Variants in RABGAP1L observed in about 807,000 individuals in gnomAD.
The protein encoded by RABGAP1L is rab GTPase-activating protein 1-like.
Under a neutral mutation model 137.7 loss-of-function variants are expected in RABGAP1L, and 63 were observed. That is an observed-to-expected ratio of 0.46 (90% CI 0.37 to 0.56). The LOEUF is 0.56. Among genes scored for constraint, RABGAP1L ranks in the 20% least tolerant of loss-of-function variants. RABGAP1L has a pLI of 0.00. For synonymous variants in RABGAP1L, 431 were observed against 433.7 expected, an observed-to-expected ratio of 0.99 and a Z score of 0.08; for missense variants, 1,095 against 1,244.0, an observed-to-expected ratio of 0.88 and a Z score of 1.80.
At chr1:174,873,919 T>A (rs6700953) in intron 19 of RABGAP1L, among the ~76,000 whole-genome samples, 56,671 of 152,072 alleles carry the variant, frequency 0.37, 12,794 homozygotes, top group African/African-American at 0.64. Context: ...AAATAGCCAC[T>A]TCTTATTCAA....
intron 13 of RABGAP1L, among the ~76,000 whole-genome samples, chr1:174,483,363 C>G (rs1659312075): frequency 6.6e-6 from 1 of 152,082 alleles, no homozygotes; most frequent in Non-Finnish European, 1.5e-5. Flanking sequence ...TTTTTAGCTC[C>G]CACAGTTAAG....
At chr1:174,366,962 T>C (rs909705804) in intron 11 of RABGAP1L, 2 of 152,164 alleles carry the variant, frequency 1.3e-5, no homozygotes, top group African/African-American at 4.8e-5. Flanking sequence ...TTTATCCTTT[T>C]TTTTAAACCT....
intron 19 of RABGAP1L, among the ~76,000 whole-genome samples, chr1:174,898,410 C>A (rs1342523820): frequency 1.3e-5 from 2 of 152,156 alleles, no homozygotes; most frequent in Non-Finnish European, 2.9e-5. Context: ...TTAGATGTTA[C>A]ATACAATATT....
intron 19 of RABGAP1L, among the ~76,000 whole-genome samples, chr1:174,950,520 G>C (rs751034578): frequency 2.0e-5 from 3 of 152,006 alleles, no homozygotes; most frequent in African/African-American, 7.3e-5. Flanking sequence ...GTTTCTTCTC[G>C]AGTGCATTAT....
chr1:174,384,456 G>T (rs947470704), intron 12 of RABGAP1L, among the ~76,000 whole-genome samples: 22 of 151,626 alleles, frequency 1.5e-4, no homozygotes, highest in African/African-American at 5.3e-4. Flanking sequence ...AGAAAAAAAA[G>T]CCCTGAGTTT....
chr1:174,821,737 T>A (rs1691046199), intron 19 of RABGAP1L, among the ~76,000 whole-genome samples: 1 of 152,230 alleles, frequency 6.6e-6, no homozygotes, highest in Admixed American at 6.5e-5. Context: ...GAGGCTTTCT[T>A]TGAATTAGCA....
intron 13 of RABGAP1L, among the ~76,000 whole-genome samples, chr1:174,500,758 A>G (rs544912780): frequency 1.5e-4 from 23 of 152,128 alleles, no homozygotes; most frequent in Non-Finnish European, 2.5e-4. Context: ...TTTCATAGCA[A>G]AGCTCAGCTC....
intron 10 of RABGAP1L, among the ~76,000 whole-genome samples, chr1:174,288,866 G>T (rs776812302): frequency 1.9e-4 from 29 of 152,026 alleles, no homozygotes; most frequent in Non-Finnish European, 3.2e-4. Flanking sequence ...GGTGTTCCAG[G>T]TATCCTGTAG....
At position 174,250,475 on chromosome 1, in the gene RABGAP1L, G is replaced by A. The variant is rs1411186981; in HGVS notation, c.718G>A (p.Val240Ile). ...HVFSCEIKEA[V>I]SRILYSFCTA... ...GGTATTTCCTTTTTTATTCTTTTAG[G>A]TAAGCAGAATTTTGTACAGTTTCTG... The change falls in exon 6 of 26, where the codon GTA becomes ATA. Residue 240 changes from valine (V) to isoleucine (I), a missense_variant and splice_region_variant. Coordinates refer to ENST00000681986, the MANE Select transcript of RABGAP1L (RefSeq NM_001366446.1). 6.3e-7 allele frequency: 1 copy of A among 1,598,332 alleles called. No homozygotes were observed. The highest frequency in any genetic ancestry group is 1.7e-4 in the Middle Eastern group (1 of 5,988).
chr1:174,412,659 G>C (rs750433302), intron 13 of RABGAP1L, among the ~76,000 whole-genome samples: 1 of 152,046 alleles, frequency 6.6e-6, no homozygotes, highest in African/African-American at 2.4e-5. Flanking sequence ...TGGTTTAGTG[G>C]TAATGAATTC....
intron 11 of RABGAP1L, among the ~76,000 whole-genome samples, chr1:174,344,164 G>GA (rs1419406111): frequency 6.6e-6 from 1 of 152,164 alleles, no homozygotes; most frequent in Non-Finnish European, 1.5e-5. Flanking sequence ...AGTTTGTCAG[G>GA]AATGTTAAGG....
intron 13 of RABGAP1L, among the ~76,000 whole-genome samples, chr1:174,534,202 A>C (rs78683561): frequency 0.023 from 3,369 of 148,120 alleles, 58 homozygotes; most frequent in Middle Eastern, 0.09. Context: ...AATATTTAGC[A>C]AGTTGACTGT....
At position 174,226,870 on chromosome 1, in the gene RABGAP1L, T is replaced by G. The variant is rs576780032; in HGVS notation, c.332-4275T>G. Among the ~76,000 whole-genome samples the G allele has an allele frequency of 3.0e-4, 46 of 152,264 alleles. 1 individual carries two copies. In the South Asian group the frequency reaches 9.5e-3, roughly 32 times the overall value. ...CAGTTTAACAATCTCAGTCTTTTAG[T>G]TGGGTTTAGACTAGGATAAGTAAAC... On this transcript the variant is annotated intron_variant, in intron 3 of 25. Coordinates refer to ENST00000681986, the MANE Select transcript of RABGAP1L (RefSeq NM_001366446.1).
intron 11 of RABGAP1L, among the ~76,000 whole-genome samples, chr1:174,366,176 T>G (rs1433678937): frequency 6.6e-6 from 1 of 152,226 alleles, no homozygotes; most frequent in East Asian, 1.9e-4. Context: ...GAATTCATTT[T>G]AATAATTATA....
rs138572022 is a variant in RABGAP1L at position 174,169,349 on chromosome 1, C to T, written c.-34+9692C>T. ...TCAAGCAATTCTCCTGCCTCAGCCT[C>T]CTGAGTAGCTGGGACCACAGGCACG... On this transcript the variant is annotated intron_variant, in intron 1 of 25. Transcript: ENST00000681986. 1.4e-3 allele frequency among the ~76,000 whole-genome samples: 218 copies of T among 151,740 alleles called. 2 individuals are homozygous for T. Among genetic ancestry groups the T allele is most frequent in the Non-Finnish European group, 2.5e-3 (170 of 67,886 alleles).
At chr1:174,725,847 G>C (rs935012643) in intron 17 of RABGAP1L, among the ~76,000 whole-genome samples, 26 of 152,052 alleles carry the variant, frequency 1.7e-4, no homozygotes, top group Non-Finnish European at 2.8e-4. Context: ...GGATGGGGGA[G>C]GGATAGCACT....
chr1:174,276,267 G>A (rs974432627), intron 9 of RABGAP1L, among the ~76,000 whole-genome samples: 2 of 152,116 alleles, frequency 1.3e-5, no homozygotes, highest in Admixed American at 6.5e-5. Flanking sequence ...AGCCTCCTGA[G>A]TAGCTATTAA....
intron 19 of RABGAP1L, chr1:174,892,632 T>C (rs1345438796): frequency 1.5e-5 from 8 of 534,410 alleles, no homozygotes; most frequent in Non-Finnish European, 3.0e-5. Context: ...ATTTTCTTAT[T>C]TGATGAGGCT....
At chr1:174,314,697 T>C (rs1679204102) in intron 11 of RABGAP1L, among the ~76,000 whole-genome samples, 1 of 152,180 alleles carries the variant, frequency 6.6e-6, no homozygotes. Flanking sequence ...GTTTCCTTAA[T>C]CATTTATTTC....
Sources: gnomAD v4.1 joint callset for allele counts (sites outside exome capture counted in the v4.1 genomes callset) on GRCh38, gnomAD v4.1.1 for gene constraint, MANE v1.5 for transcripts, NCBI Gene and HGNC (gene_info 2026-07-23, HGNC 2026-07-21) for gene names.